Variants in CACNA1E observed in about 807,000 individuals in gnomAD.
CACNA1E encodes the protein voltage-dependent R-type calcium channel subunit alpha-1E.
Under a neutral mutation model 259.2 loss-of-function variants are expected in CACNA1E, and 40 were observed. The ratio of observed to expected loss-of-function variants is 0.15; its 90% CI spans 0.12 to 0.20. CACNA1E has a LOEUF of 0.20. CACNA1E is among the 10% of genes least tolerant of loss of function. CACNA1E has a pLI of 1.00. For missense variants in CACNA1E, 1,874 were observed against 3,040.1 expected (o/e 0.62, Z 9.02); for synonymous variants, 1,104 against 1,138.5 (o/e 0.97, Z 0.61).
intron 34 of CACNA1E, among the ~76,000 whole-genome samples, chr1:181,765,135 C>T (rs1442909428): frequency 1.8e-4 from 27 of 152,142 alleles, no homozygotes; most frequent in Admixed American, 1.7e-3. Context: ...TAAAGAGCAT[C>T]GCCATTGCCT....
intron 6 of CACNA1E, among the ~76,000 whole-genome samples, chr1:181,599,644 A>G (rs1035735946): frequency 6.6e-6 from 1 of 152,202 alleles, no homozygotes; most frequent in Non-Finnish European, 1.5e-5. Flanking sequence ...CTATTTCATG[A>G]CTATTGCCAG....
intron 25 of CACNA1E, among the ~76,000 whole-genome samples, chr1:181,748,004 T>G (rs1657254324): frequency 6.6e-6 from 1 of 152,234 alleles, no homozygotes; most frequent in Non-Finnish European, 1.5e-5. Context: ...AGTTAAATCT[T>G]GCCCCTGTTA....
intron 2 of CACNA1E, among the ~76,000 whole-genome samples, chr1:181,430,265 T>TGGACAAAG (rs1659621602): frequency 6.6e-6 from 1 of 152,098 alleles, no homozygotes; most frequent in Non-Finnish European, 1.5e-5. Context: ...TTAAGGAGTG[T>TGGACAAAG]GGACAAAGGG....
intron 39 of CACNA1E, 37 bp from the exon 40 acceptor site, chr1:181,783,642 T>C (rs769885606): frequency 2.5e-6 from 3 of 1,224,324 alleles, no homozygotes; most frequent in Admixed American, 1.9e-5. Flanking sequence ...AATTTTTTTT[T>C]TTTTTGCCTG....
chr1:181,606,418 G>C (rs151029100), intron 6 of CACNA1E, among the ~76,000 whole-genome samples: 11 of 152,094 alleles, frequency 7.2e-5, no homozygotes, highest in Admixed American at 3.9e-4. Context: ...ACAGCAGGTC[G>C]TATGGATGCT....
chr1:181,384,240 A>G (rs1468135642), intron 1 of CACNA1E, among the ~76,000 whole-genome samples: 1 of 152,176 alleles, frequency 6.6e-6, no homozygotes, highest in Admixed American at 6.5e-5. Context: ...TGCGATATCT[A>G]TGCCATAAAG....
chr1:181,458,726 G>A (rs967867667), intron 2 of CACNA1E, among the ~76,000 whole-genome samples: 1 of 151,912 alleles, frequency 6.6e-6, no homozygotes, highest in Non-Finnish European at 1.5e-5. Context: ...CTGTGATTTG[G>A]GCACACTGCA....
chr1:181,663,225 T>G (rs1220998255), intron 7 of CACNA1E, among the ~76,000 whole-genome samples: 1 of 152,194 alleles, frequency 6.6e-6, no homozygotes. Context: ...CCATGGTAAA[T>G]GCTTTATATA....
chr1:181,371,279 T>C (rs1215305055), intron 1 of CACNA1E, among the ~76,000 whole-genome samples: 1 of 152,172 alleles, frequency 6.6e-6, no homozygotes, highest in Non-Finnish European at 1.5e-5. Context: ...TTAAATTTAG[T>C]TTATTTTTAT....
At chr1:181,692,337 A>G (rs1651251029) in intron 7 of CACNA1E, among the ~76,000 whole-genome samples, 1 of 152,232 alleles carries the variant, frequency 6.6e-6, no homozygotes, top group African/African-American at 2.4e-5. Flanking sequence ...AAGGGCCCAA[A>G]TAGCCAAAGC....
At chr1:181,793,850 A>G (rs1015613339) in intron 45 of CACNA1E, 57 bp downstream of exon 45, 18 of 1,554,760 alleles carry the variant, frequency 1.2e-5, no homozygotes, top group Non-Finnish European at 1.4e-5. Context: ...TAGCTGGGTT[A>G]TGGAATAATA....
intron 2 of CACNA1E, among the ~76,000 whole-genome samples, chr1:181,470,099 G>C (rs572276766): frequency 6.6e-6 from 1 of 152,088 alleles, no homozygotes; most frequent in South Asian, 2.1e-4. Context: ...GAAAGAAAGA[G>C]AGCAAGAAAG....
At chr1:181,398,665 G>A (rs1267442161) in intron 1 of CACNA1E, among the ~76,000 whole-genome samples, 1 of 152,154 alleles carries the variant, frequency 6.6e-6, no homozygotes, top group African/African-American at 2.4e-5. Flanking sequence ...AAGGAGGACT[G>A]GCTTCCATGA....
At chr1:181,424,399 T>A (rs1021477002) in intron 2 of CACNA1E, among the ~76,000 whole-genome samples, 4 of 152,370 alleles carry the variant, frequency 2.6e-5, no homozygotes, top group South Asian at 2.1e-4. Context: ...TGTTTCTAGA[T>A]CTGGTCTCTG....
At chr1:181,726,850 C>G (rs3895089) in intron 18 of CACNA1E, among the ~76,000 whole-genome samples, 119,883 of 151,922 alleles carry the variant, frequency 0.79, 47,651 homozygotes, top group South Asian at 0.85. Flanking sequence ...TGGGGGAAGT[C>G]AAGGAGATGA....
intron 37 of CACNA1E, among the ~76,000 whole-genome samples, chr1:181,772,478 T>C (rs574996706): frequency 1.3e-5 from 2 of 152,300 alleles, no homozygotes; most frequent in South Asian, 2.1e-4. Context: ...CTTTCAATGA[T>C]TGAGAAAAGT....
chr1:181,710,667 CT>C (rs1303033739), intron 7 of CACNA1E, among the ~76,000 whole-genome samples: 1 of 152,164 alleles, frequency 6.6e-6, no homozygotes, highest in Non-Finnish European at 1.5e-5. Context: ...ATTTTGAAAC[CT>C]AGTTTCTCAC....
intron 6 of CACNA1E, among the ~76,000 whole-genome samples, chr1:181,597,325 T>C (rs528629340): frequency 6.6e-6 from 1 of 152,336 alleles, no homozygotes; most frequent in African/African-American, 2.4e-5. Context: ...GTCAAAGTCA[T>C]CTTGTTTACA....
chr1:181,362,456 A>G (rs1443503758), intron 1 of CACNA1E, among the ~76,000 whole-genome samples: 1 of 152,188 alleles, frequency 6.6e-6, no homozygotes, highest in Admixed American at 6.5e-5. Flanking sequence ...GTCCATAGGT[A>G]TGTAGTCTCC....
Sources: gnomAD v4.1 joint callset for allele counts (sites outside exome capture counted in the v4.1 genomes callset) on GRCh38, gnomAD v4.1.1 for gene constraint, MANE v1.5 for transcripts, NCBI Gene and HGNC (gene_info 2026-07-23, HGNC 2026-07-21) for gene names.